The following PHYH variants were observed in gnomAD, a reference collection of about 807,000 sequenced individuals.
The protein encoded by PHYH is phytanoyl-CoA dioxygenase, peroxisomal.
A neutral mutation model predicts 38.5 loss-of-function variants in PHYH; 32 were observed. The ratio of observed to expected loss-of-function variants is 0.83; its 90% CI spans 0.63 to 1.12. PHYH has a LOEUF of 1.12. Ranked by LOEUF, PHYH falls within the 50% of genes most tolerant of loss-of-function variation. The probability of loss-of-function intolerance (pLI) is 0.00; values close to 1 mark genes in which losing one functional copy is unlikely to be tolerated. For synonymous variants in PHYH, 166 were observed against 157.9 expected, an observed-to-expected ratio of 1.05 and a Z score of -0.38; for missense variants, 426 against 434.8, an observed-to-expected ratio of 0.98 and a Z score of 0.18.
intron 6 of PHYH, among the ~76,000 whole-genome samples, chr10:13,287,558 G>C (rs1421653664): frequency 6.6e-6 from 1 of 152,094 alleles, no homozygotes; most frequent in Non-Finnish European, 1.5e-5. Context: ...CAAGCTCCCT[G>C]GGTCTTTCCT....
At chr10:13,294,241 A>G (rs905756414) in intron 4 of PHYH, among the ~76,000 whole-genome samples, 187 bp downstream of exon 4, 1 of 152,028 alleles carries the variant, frequency 6.6e-6, no homozygotes, top group African/African-American at 2.4e-5. Context: ...ATTTTACTCA[A>G]TTCAACTCCT....
rs1256185379 is a variant in PHYH at position 13,298,423 on chromosome 10, G to A, written c.76-178C>T. Among the ~76,000 whole-genome samples the A allele has an allele frequency of 2.0e-5, 3 of 151,762 alleles. No individual in the cohort carries two copies. The South Asian group carries it at 6.3e-4, about 32-fold the overall frequency. ...CTCTACTAAAAATACAAATTAGGCCGGGGGCGGTGGCTCACGTTTGTAATC... is the reference window on the plus strand; with the variant it reads ...CTCTACTAAAAATACAAATTAGGCCAGGGGCGGTGGCTCACGTTTGTAATC... On this transcript the variant is annotated intron_variant, in intron 1 of 8. Transcript: ENST00000263038.
intron 5 of PHYH, among the ~76,000 whole-genome samples, chr10:13,289,070 C>T (rs948961323): frequency 1.3e-5 from 2 of 151,712 alleles, no homozygotes; most frequent in Admixed American, 1.3e-4. Flanking sequence ...AATTGGAAAT[C>T]AACACACTGG....
chr10:13,281,772 G>T (rs1370612094), intron 7 of PHYH, among the ~76,000 whole-genome samples: 1 of 152,186 alleles, frequency 6.6e-6, no homozygotes, highest in East Asian at 1.9e-4. Flanking sequence ...GATCACACTT[G>T]TCAGAAAGAC....
At chr10:13,297,571 A>G (rs2131659861) in intron 2 of PHYH, among the ~76,000 whole-genome samples, 1 of 152,104 alleles carries the variant, frequency 6.6e-6, no homozygotes, top group Non-Finnish European at 1.5e-5. Flanking sequence ...CTCCCACTTC[A>G]GCCTCCTGAG....
At chr10:13,282,307 T>C (rs1014142977) in intron 7 of PHYH, among the ~76,000 whole-genome samples, 1 of 151,536 alleles carries the variant, frequency 6.6e-6, no homozygotes, top group Admixed American at 6.6e-5. Flanking sequence ...TAAAAAACAT[T>C]GGGCCAGGCG....
intron 6 of PHYH, among the ~76,000 whole-genome samples, chr10:13,286,934 A>G (rs764935427): frequency 6.6e-6 from 1 of 152,336 alleles, no homozygotes; most frequent in Non-Finnish European, 1.5e-5. Flanking sequence ...TGATGATTTC[A>G]CAGGTATGTG....
At chr10:13,293,578 GCA>G (rs1241516116) in intron 4 of PHYH, among the ~76,000 whole-genome samples, 4 of 151,984 alleles carry the variant, frequency 2.6e-5, no homozygotes, top group Non-Finnish European at 4.4e-5. Context: ...GGGATTACAG[GCA>G]TGAGCCACCG....
At chr10:13,299,072 A>C (rs1206878580) in intron 1 of PHYH, among the ~76,000 whole-genome samples, 1 of 148,146 alleles carries the variant, frequency 6.8e-6, no homozygotes, top group Admixed American at 6.9e-5. Flanking sequence ...CCCAGGAGTG[A>C]GCCGAGATCG....
chr10:13,293,794 T>C (rs1208880948), intron 4 of PHYH, among the ~76,000 whole-genome samples: 1 of 152,082 alleles, frequency 6.6e-6, no homozygotes, highest in Non-Finnish European at 1.5e-5. Flanking sequence ...AAATCATGAG[T>C]TTGGTAGACT....
rs2131640844 is a variant in PHYH at position 13,288,502 on chromosome 10, T to C, written c.536A>G (p.His179Arg). Residue 179 changes from histidine to arginine, a missense_variant, in exon 6 of 9, where the codon CAC (histidine) becomes CGC (arginine). Transcript: ENST00000263038. ...TSRHPLHQDL[H>R]YFPFRPSDLI... is the part of the protein sequence containing the mutation. ...ATCGCTGGGCCTGAAGGGGAAATAG[T>C]GCAGGTCCTGGTGCAGGGGGTGACG... 1 of 1,614,140 alleles carries C rather than the reference T, an allele frequency of 6.2e-7. No individual in the cohort carries two copies. Among genetic ancestry groups the C allele is most frequent in the Non-Finnish European group, 8.5e-7 (1 of 1,180,020 alleles).
At chr10:13,283,908 A>C in intron 6 of PHYH, 69 bp from the exon 7 acceptor site, 2 of 1,295,372 alleles carry the variant, frequency 1.5e-6, no homozygotes, top group Non-Finnish European at 2.2e-6. Context: ...TCAATGGTTC[A>C]TCAGGGAAAG....
At chr10:13,288,767 G>A (rs893417670) in intron 5 of PHYH, among the ~76,000 whole-genome samples, 1 of 151,678 alleles carries the variant, frequency 6.6e-6, no homozygotes, top group African/African-American at 2.4e-5. Flanking sequence ...ACAACTAGCC[G>A]GGTGTGGTGG....
rs511959 is a variant in PHYH, at chr10:13,299,836, G to C, written c.75+132C>G. On this transcript the variant is annotated intron_variant, in intron 1 of 8. Coordinates refer to ENST00000263038, the MANE Select transcript of PHYH (RefSeq NM_006214.4). Reference sequence around the variant, plus strand: ...GAAGAGACGCGACCCAGGCGGGGACGCGGCGCTGAGCGAGGAGGCGCTGGG... The same window carrying C: ...GAAGAGACGCGACCCAGGCGGGGACCCGGCGCTGAGCGAGGAGGCGCTGGG... 0.99 allele frequency: 1,314,842 copies of C among 1,330,300 alleles called. 650,343 individuals carry two copies. Among genetic ancestry groups the C allele is most frequent in the Non-Finnish European group, 1 (1,042,079 of 1,043,532 alleles). 82.4% of individuals were successfully genotyped at this position (1,330,300 alleles called of 1,614,324 possible).
At chr10:13,298,780 C>CTACTACTAA (rs1564430851) in intron 1 of PHYH, among the ~76,000 whole-genome samples, 26 of 140,960 alleles carry the variant, frequency 1.8e-4, no homozygotes, top group African/African-American at 6.4e-4. Context: ...ACTACTACTA[C>CTACTACTAA]TAATAATAAT....
chr10:13,295,670 T>C, intron 2 of PHYH, 64 bp from the exon 3 acceptor site: 1 of 780,992 alleles, frequency 1.3e-6, no homozygotes, highest in Non-Finnish European at 2.3e-6. Context: ...GCACAATGGC[T>C]CACACCTCTA....
chr10:13,279,983 T>C (rs1835373989), intron 8 of PHYH, among the ~76,000 whole-genome samples: 1 of 152,206 alleles, frequency 6.6e-6, no homozygotes, highest in Admixed American at 6.5e-5. Flanking sequence ...CTTTTGTTGT[T>C]GTTGAGACAG....
rs546257524 is a variant in PHYH at position 13,278,339 on chromosome 10, G to A, written c.979C>T (p.Arg327Ter). Residue 327 changes from arginine to a stop codon, truncating the protein, a stop_gained, in exon 9 of 9, where the codon CGA becomes TGA. Transcript: ENST00000263038. LOFTEE classifies it high-confidence loss of function. ...SVNLKDIWMF[R>*]ARLVKGERTN... ...CTTTCTCCTTTCACAAGTCGAGCTC[G>A]AAACATCCAAATATCCTGGAAATAA... 11 of 1,611,422 alleles carry A rather than the reference G, an allele frequency of 6.8e-6. No individual in the cohort carries two copies. Among genetic ancestry groups the A allele is most frequent in the Admixed American group, 5.0e-5 (3 of 59,986 alleles).
At chr10:13,281,405 T>TG (rs1232798448) in intron 7 of PHYH, among the ~76,000 whole-genome samples, 5 of 152,020 alleles carry the variant, frequency 3.3e-5, no homozygotes, top group Non-Finnish European at 7.4e-5. Flanking sequence ...TTTAGTTTTT[T>TG]TTTTTTTTAG....
Sources: gnomAD v4.1 joint callset for allele counts (sites outside exome capture counted in the v4.1 genomes callset) on GRCh38, gnomAD v4.1.1 for gene constraint, MANE v1.5 for transcripts, NCBI Gene and HGNC (gene_info 2026-07-23, HGNC 2026-07-21) for gene names.